The following IMMP2L variants were observed in gnomAD, a reference collection of about 807,000 sequenced individuals.
IMMP2L encodes mitochondrial inner membrane protease subunit 2.
IMMP2L carries 18 observed loss-of-function variants against 19.3 expected under a neutral mutation model. The observed-to-expected ratio is 0.93, with a 90% CI of 0.64 to 1.38. The LOEUF (loss-of-function observed/expected upper bound fraction) is 1.38. Among genes scored for constraint, IMMP2L ranks in the 40% most tolerant of loss-of-function variants. The pLI is 0.00. For synonymous variants in IMMP2L, 76 were observed against 73.0 expected, an observed-to-expected ratio of 1.04 and a Z score of -0.21; for missense variants, 233 against 218.2, an observed-to-expected ratio of 1.07 and a Z score of -0.43.
intron 3 of IMMP2L, among the ~76,000 whole-genome samples, chr7:111,473,629 A>C (rs1841462504): frequency 6.6e-6 from 1 of 152,172 alleles, no homozygotes; most frequent in Non-Finnish European, 1.5e-5. Context: ...CTTCATGTTA[A>C]GAATAACTGA....
chr7:111,012,756 A>G lies in IMMP2L; in HGVS notation c.240-49191T>C, dbSNP rs139023132. 4.0e-3 allele frequency among the ~76,000 whole-genome samples: 614 copies of G among 152,298 alleles called. 6 individuals are homozygous for G. The highest frequency in any genetic ancestry group is 0.013 in the African/African-American group (561 of 41,572). On this transcript the variant is annotated intron_variant, in intron 3 of 5. Coordinates refer to ENST00000405709, the MANE Select transcript of IMMP2L (RefSeq NM_032549.4). ...TGAATGGGTCCAATCACTTTAGCTTACAGATTTATTAGTAAAGGCTTTAGC... is the reference window on the plus strand; with the variant it reads ...TGAATGGGTCCAATCACTTTAGCTTGCAGATTTATTAGTAAAGGCTTTAGC...
intron 5 of IMMP2L, among the ~76,000 whole-genome samples, chr7:110,846,930 C>G (rs1229094488): frequency 6.6e-6 from 1 of 152,258 alleles, no homozygotes; most frequent in South Asian, 2.1e-4. Context: ...GTCCTCTATC[C>G]TACCATGGCT....
At chr7:111,072,454 G>T (rs1795033373) in intron 3 of IMMP2L, among the ~76,000 whole-genome samples, 1 of 151,972 alleles carries the variant, frequency 6.6e-6, no homozygotes, top group Admixed American at 6.6e-5. Context: ...ACTTAATGCA[G>T]TGTAAACTGC....
intron 2 of IMMP2L, among the ~76,000 whole-genome samples, chr7:111,503,684 G>C (rs1451080185): frequency 6.6e-6 from 1 of 152,078 alleles, no homozygotes; most frequent in Non-Finnish European, 1.5e-5. Flanking sequence ...ATCAATAAAT[G>C]TAATCCAGCA....
At chr7:111,373,694 A>T (rs1269818624) in intron 3 of IMMP2L, among the ~76,000 whole-genome samples, 1 of 152,074 alleles carries the variant, frequency 6.6e-6, no homozygotes, top group African/African-American at 2.4e-5. Context: ...TGGTAAGATT[A>T]GGATAAATTC....
chr7:111,289,341 C>T (rs956455323), intron 3 of IMMP2L, among the ~76,000 whole-genome samples: 4 of 150,944 alleles, frequency 2.6e-5, no homozygotes, highest in African/African-American at 9.8e-5. Flanking sequence ...ATGTGTGCAA[C>T]AAACCACCAT....
chr7:110,915,267 A>G (rs920498048), intron 4 of IMMP2L, among the ~76,000 whole-genome samples: 5 of 152,214 alleles, frequency 3.3e-5, no homozygotes, highest in Non-Finnish European at 7.3e-5. Flanking sequence ...GCACACACAC[A>G]CAAATATTAT....
At chr7:111,147,438 A>G (rs1191513007) in intron 3 of IMMP2L, among the ~76,000 whole-genome samples, 2 of 152,182 alleles carry the variant, frequency 1.3e-5, no homozygotes, top group Middle Eastern at 3.2e-3. Flanking sequence ...TGTAGGCAAC[A>G]GAGACTTGTA....
chr7:110,873,429 C>CAAAA (rs60827428), intron 5 of IMMP2L, among the ~76,000 whole-genome samples: 975 of 28,826 alleles, frequency 0.034, 89 homozygotes, highest in Non-Finnish European at 0.054. Context: ...GACTCTATCT[C>CAAAA]AAAAAAAAAA....
chr7:111,379,307 A>C (rs188451633), intron 3 of IMMP2L, among the ~76,000 whole-genome samples: 9 of 151,902 alleles, frequency 5.9e-5, no homozygotes, highest in African/African-American at 1.2e-4. Flanking sequence ...CTGATATGTA[A>C]ATGAAAATTT....
chr7:110,879,897 G>T (rs928517400), intron 5 of IMMP2L, among the ~76,000 whole-genome samples: 2 of 152,060 alleles, frequency 1.3e-5, no homozygotes, highest in African/African-American at 2.4e-5. Flanking sequence ...AATATACTAG[G>T]TACTGTAGGT....
chr7:111,242,642 A>G (rs1232168484), intron 3 of IMMP2L, among the ~76,000 whole-genome samples: 1 of 152,074 alleles, frequency 6.6e-6, no homozygotes, highest in African/African-American at 2.4e-5. Context: ...GAGCTTTATT[A>G]CAATCCTTCT....
chr7:111,117,269 T>G (rs1799998826), intron 3 of IMMP2L, among the ~76,000 whole-genome samples: 1 of 152,148 alleles, frequency 6.6e-6, no homozygotes, highest in African/African-American at 2.4e-5. Flanking sequence ...TCTTTGATGT[T>G]CACAGAATAG....
At chr7:110,840,057 G>A (rs1283700485) in intron 5 of IMMP2L, among the ~76,000 whole-genome samples, 2 of 152,114 alleles carry the variant, frequency 1.3e-5, no homozygotes, top group Non-Finnish European at 2.9e-5. Context: ...AGAACATAGA[G>A]AATGAGATTC....
chr7:111,519,226 AG>A (rs1846133707), intron 2 of IMMP2L, among the ~76,000 whole-genome samples: 1 of 152,162 alleles, frequency 6.6e-6, no homozygotes, highest in Admixed American at 6.6e-5. Flanking sequence ...AACTGGTCTG[AG>A]AGAACTAAGC....
At chr7:111,362,309 G>C (rs960836613) in intron 3 of IMMP2L, among the ~76,000 whole-genome samples, 1 of 151,722 alleles carries the variant, frequency 6.6e-6, no homozygotes, top group African/African-American at 2.4e-5. Flanking sequence ...CCTTAAAATT[G>C]AACTTTTAAA....
chr7:110,740,012 G>A (rs1312900009), intron 5 of IMMP2L, among the ~76,000 whole-genome samples: 2 of 152,072 alleles, frequency 1.3e-5, no homozygotes, highest in Non-Finnish European at 2.9e-5. Context: ...TCTTTGAACT[G>A]AACGATAATA....
intron 4 of IMMP2L, among the ~76,000 whole-genome samples, chr7:110,899,797 C>T (rs1811681221): frequency 6.6e-6 from 1 of 152,152 alleles, no homozygotes; most frequent in South Asian, 2.1e-4. Context: ...TGTATGTTTG[C>T]TATTAAACAT....
intron 3 of IMMP2L, among the ~76,000 whole-genome samples, chr7:111,185,021 T>G (rs1486685822): frequency 6.6e-6 from 1 of 152,154 alleles, no homozygotes; most frequent in African/African-American, 2.4e-5. Context: ...CTGTTTTGTT[T>G]TGTTATTAAA....
Sources: gnomAD v4.1 joint callset for allele counts (sites outside exome capture counted in the v4.1 genomes callset) on GRCh38, gnomAD v4.1.1 for gene constraint, MANE v1.5 for transcripts, NCBI Gene and HGNC (gene_info 2026-07-23, HGNC 2026-07-21) for gene names.